Variants in ASCC1 observed in about 807,000 individuals in gnomAD.
The protein encoded by ASCC1 is activating signal cointegrator 1 complex subunit 1.
Under a neutral mutation model 46.6 loss-of-function variants are expected in ASCC1, and 35 were observed. The ratio of observed to expected loss-of-function variants is 0.75; its 90% CI spans 0.57 to 0.99. The LOEUF (loss-of-function observed/expected upper bound fraction) is 0.99, where lower values mean the gene tolerates loss of function less well. Ranked by LOEUF, ASCC1 falls within the 50% of genes least tolerant of loss-of-function variation. The probability of loss-of-function intolerance (pLI) is 0.00; values close to 1 mark genes in which losing one functional copy is unlikely to be tolerated. For synonymous variants in ASCC1, 143 were observed against 146.6 expected (o/e 0.98, Z 0.18); for missense variants, 376 against 428.7 (o/e 0.88, Z 1.09).
intron 5 of ASCC1, chr10:72,190,617 T>G (rs979379122): frequency 1.6e-5 from 16 of 976,648 alleles, no homozygotes; most frequent in Non-Finnish European, 2.1e-5. Context: ...ATAAACAATT[T>G]AAGACAGTCA....
intron 7 of ASCC1, among the ~76,000 whole-genome samples, chr10:72,150,013 C>T (rs1425727330): frequency 6.6e-6 from 1 of 151,840 alleles, no homozygotes; most frequent in Non-Finnish European, 1.5e-5. Flanking sequence ...TGGTGAAACC[C>T]GTCTCTACTA....
intron 9 of ASCC1, chr10:72,102,500 G>A: frequency 9.5e-7 from 1 of 1,057,820 alleles, no homozygotes; most frequent in Non-Finnish European, 1.4e-6. Flanking sequence ...TTTTATACTA[G>A]GGAAATGAAC....
intron 5 of ASCC1, among the ~76,000 whole-genome samples, chr10:72,190,736 G>C (rs1206690892): frequency 6.6e-6 from 1 of 152,038 alleles, no homozygotes; most frequent in Non-Finnish European, 1.5e-5. Context: ...GGTGGCTCAC[G>C]CCTGTAATCC....
At chr10:72,182,566 GA>G (rs1381698493) in intron 5 of ASCC1, among the ~76,000 whole-genome samples, 2 of 152,018 alleles carry the variant, frequency 1.3e-5, no homozygotes, top group Non-Finnish European at 2.9e-5. Context: ...TACTATATGG[GA>G]TAAATATATA....
At chr10:72,194,295 C>T (rs1448567689) in intron 5 of ASCC1, among the ~76,000 whole-genome samples, 1 of 150,012 alleles carries the variant, frequency 6.7e-6, no homozygotes, top group Non-Finnish European at 1.5e-5. Flanking sequence ...TGCTTTATCT[C>T]ACAAATAATT....
At chr10:72,144,647 T>G (rs1847424795) in intron 7 of ASCC1, among the ~76,000 whole-genome samples, 1 of 152,136 alleles carries the variant, frequency 6.6e-6, no homozygotes. Context: ...TTTTAAATTT[T>G]TACTATGTAC....
intron 5 of ASCC1, among the ~76,000 whole-genome samples, chr10:72,174,467 T>G (rs1851622348): frequency 6.6e-6 from 1 of 152,146 alleles, no homozygotes; most frequent in Admixed American, 6.6e-5. Context: ...TGAGATGGGA[T>G]ACAACACAGG....
At chr10:72,186,199 A>T (rs1201134953) in intron 5 of ASCC1, among the ~76,000 whole-genome samples, 1 of 151,734 alleles carries the variant, frequency 6.6e-6, no homozygotes, top group African/African-American at 2.4e-5. Context: ...ATGTCTTACT[A>T]CATTGCCCAG....
intron 5 of ASCC1, among the ~76,000 whole-genome samples, chr10:72,193,479 C>CACACCA (rs1554839428): frequency 6.9e-6 from 1 of 144,000 alleles, no homozygotes; most frequent in African/African-American, 2.6e-5. Flanking sequence ...CACACACACA[C>CACACCA]CACACACACA....
At position 72,196,864 on chromosome 10, in the gene ASCC1, C is replaced by T. The variant is rs1564739836; in HGVS notation, c.436G>A (p.Val146Ile). 3 of 1,613,418 alleles carry T rather than the reference C, an allele frequency of 1.9e-6. No homozygotes were observed. The highest frequency in any genetic ancestry group is 2.7e-5 in the African/African-American group (2 of 74,982). ...TGGAATCTCAGGAATCCTTCCTGAACCTCAACTTCATTGAGGAAAAAGGCA... is the reference window on the plus strand; with the variant it reads ...TGGAATCTCAGGAATCCTTCCTGAATCTCAACTTCATTGAGGAAAAAGGCA... Reference protein sequence around the residue: ...FLAFFLNEVEVQEGFLRFQEE... With the variant: ...FLAFFLNEVEIQEGFLRFQEE... Residue 146 changes from valine (V) to isoleucine (I), a missense_variant, in exon 5 of 10, where the codon GTT (valine) becomes ATT (isoleucine). Val to Ile is a conservative substitution (Grantham distance 29, BLOSUM62 3). Coordinates refer to ENST00000672957, the MANE Select transcript of ASCC1 (RefSeq NM_001198800.3).
intron 5 of ASCC1, among the ~76,000 whole-genome samples, chr10:72,189,415 A>C (rs1049545688): frequency 2.6e-5 from 4 of 152,018 alleles, no homozygotes; most frequent in African/African-American, 9.7e-5. Context: ...CTCAAAAAAA[A>C]ATAAAAATAA....
chr10:72,148,605 T>C (rs1023188084), intron 7 of ASCC1, among the ~76,000 whole-genome samples: 1 of 152,216 alleles, frequency 6.6e-6, no homozygotes, highest in Non-Finnish European at 1.5e-5. Flanking sequence ...TTTGACAGCT[T>C]CCCAATGCTT....
At chr10:72,103,169 G>T (rs1282615772) in intron 9 of ASCC1, among the ~76,000 whole-genome samples, 1 of 148,748 alleles carries the variant, frequency 6.7e-6, no homozygotes, top group Admixed American at 6.7e-5. Context: ...GTCTTGCTCT[G>T]TCGCCCAGGC....
chr10:72,122,926 T>A (rs763126034), intron 9 of ASCC1, among the ~76,000 whole-genome samples: 1 of 152,186 alleles, frequency 6.6e-6, no homozygotes, highest in Non-Finnish European at 1.5e-5. Flanking sequence ...TAGTATTTAG[T>A]GCATGTTAGA....
intron 5 of ASCC1, 147 bp from the exon 6 acceptor site, chr10:72,161,821 C>T (rs1363525016): frequency 3.6e-6 from 3 of 831,330 alleles, no homozygotes; most frequent in Non-Finnish European, 3.9e-6. Flanking sequence ...AGAAAGTCTC[C>T]TCAATAAATG....
intron 5 of ASCC1, among the ~76,000 whole-genome samples, chr10:72,169,841 C>A (rs1041904809): frequency 3.9e-5 from 6 of 152,096 alleles, no homozygotes; most frequent in Admixed American, 3.9e-4. Context: ...AACACAAGGC[C>A]GGGCGTGGTG....
intron 9 of ASCC1, among the ~76,000 whole-genome samples, chr10:72,101,574 G>A (rs757728946): frequency 2.6e-5 from 4 of 152,128 alleles, no homozygotes; most frequent in Non-Finnish European, 5.9e-5. Context: ...GTGAAGCAGT[G>A]AGAAAGACAG....
chr10:72,172,935 T>A (rs1327708999), intron 5 of ASCC1, among the ~76,000 whole-genome samples: 10 of 138,180 alleles, frequency 7.2e-5, no homozygotes, highest in Admixed American at 2.4e-4. Context: ...ATTATATATT[T>A]TATATTATAT....
At chr10:72,110,515 G>A (rs962950236) in intron 9 of ASCC1, among the ~76,000 whole-genome samples, 3 of 152,246 alleles carry the variant, frequency 2.0e-5, no homozygotes, top group Admixed American at 6.5e-5. Flanking sequence ...CAGGCCGGGC[G>A]CAGTGGCCCA....
Sources: gnomAD v4.1 joint callset for allele counts (sites outside exome capture counted in the v4.1 genomes callset) on GRCh38, gnomAD v4.1.1 for gene constraint, MANE v1.5 for transcripts, NCBI Gene and HGNC (gene_info 2026-07-23, HGNC 2026-07-21) for gene names.